The following CCDC148 variants were observed in gnomAD, a reference collection of about 807,000 sequenced individuals.
CCDC148 encodes the protein coiled-coil domain containing 148, also known as coiled-coil domain-containing protein 148.
A neutral mutation model predicts 85.7 loss-of-function variants in CCDC148; 89 were observed. The ratio of observed to expected loss-of-function variants is 1.04; its 90% confidence interval spans 0.87 to 1.24. CCDC148 has a LOEUF of 1.24. Ranked by LOEUF, CCDC148 falls within the 50% of genes most tolerant of loss-of-function variation. The pLI is 0.00. For missense variants in CCDC148, 692 were observed against 671.7 expected (o/e 1.03, Z -0.33); for synonymous variants, 230 against 213.9 (o/e 1.08, Z -0.66).
intron 7 of CCDC148, among the ~76,000 whole-genome samples, chr2:158,317,457 T>C (rs1199472327): frequency 1.3e-5 from 2 of 152,192 alleles, no homozygotes; most frequent in African/African-American, 2.4e-5. Context: ...ATCACAGATA[T>C]CATTTTATTA....
chr2:158,246,986 G>C (rs1022387593), intron 10 of CCDC148, among the ~76,000 whole-genome samples: 11 of 152,140 alleles, frequency 7.2e-5, no homozygotes, highest in African/African-American at 2.2e-4. Context: ...ATGAAGAGAA[G>C]CATAATTCAT....
At chr2:158,437,076 GA>G (rs1687692732) in intron 1 of CCDC148, among the ~76,000 whole-genome samples, 3 of 152,130 alleles carry the variant, frequency 2.0e-5, no homozygotes, top group Non-Finnish European at 4.4e-5. Flanking sequence ...CATTCCTTCT[GA>G]AACTATTCCA....
chr2:158,260,205 T>C (rs1689161020), intron 9 of CCDC148, among the ~76,000 whole-genome samples: 1 of 151,790 alleles, frequency 6.6e-6, no homozygotes, highest in African/African-American at 2.4e-5. Flanking sequence ...TATTCCTAGG[T>C]GGATGAATAA....
At chr2:158,408,063 T>C (rs745818486) in intron 1 of CCDC148, among the ~76,000 whole-genome samples, 14 of 152,170 alleles carry the variant, frequency 9.2e-5, no homozygotes, top group Non-Finnish European at 1.6e-4. Flanking sequence ...ACTTTATATA[T>C]GATGAAGAAA....
At chr2:158,248,618 A>T (rs1688667230) in intron 10 of CCDC148, among the ~76,000 whole-genome samples, 1 of 152,100 alleles carries the variant, frequency 6.6e-6, no homozygotes, top group African/African-American at 2.4e-5. Flanking sequence ...CACTTTATAC[A>T]TGTAACACCC....
At chr2:158,424,991 T>G in intron 1 of CCDC148, 1 of 379,354 alleles carries the variant, frequency 2.6e-6, no homozygotes, top group East Asian at 7.1e-5. Context: ...ATATAGAAGC[T>G]GCAACACCAA....
chr2:158,312,281 A>T (rs541006630), intron 8 of CCDC148, among the ~76,000 whole-genome samples: 15 of 152,348 alleles, frequency 9.8e-5, no homozygotes, highest in African/African-American at 3.4e-4. Context: ...TCTTTCAAAC[A>T]TTAAGCATAT....
intron 1 of CCDC148, among the ~76,000 whole-genome samples, chr2:158,439,811 A>T (rs911204673): frequency 5.3e-5 from 8 of 152,214 alleles, no homozygotes; most frequent in African/African-American, 1.9e-4. Flanking sequence ...TGTAAATTTA[A>T]ACTACAATAA....
chr2:158,260,742 A>C (rs1689187812), intron 9 of CCDC148, among the ~76,000 whole-genome samples: 1 of 151,938 alleles, frequency 6.6e-6, no homozygotes, highest in Non-Finnish European at 1.5e-5. Context: ...GAGAGCCAAA[A>C]CACGAATGCA....
At chr2:158,426,122 G>A (rs536262337) in intron 1 of CCDC148, among the ~76,000 whole-genome samples, 1 of 151,178 alleles carries the variant, frequency 6.6e-6, no homozygotes, top group East Asian at 1.9e-4. Context: ...AACTGTGGTA[G>A]GAACTATAGT....
chr2:158,290,002 C>A (rs1439724173), intron 9 of CCDC148, among the ~76,000 whole-genome samples: 1 of 152,130 alleles, frequency 6.6e-6, no homozygotes, highest in Non-Finnish European at 1.5e-5. Context: ...AAGGAAATGA[C>A]TGACACACAA....
chr2:158,401,054 T>C (rs1006797634), intron 1 of CCDC148, among the ~76,000 whole-genome samples: 1 of 151,896 alleles, frequency 6.6e-6, no homozygotes, highest in Non-Finnish European at 1.5e-5. Context: ...GGAAACCACA[T>C]ATGCTGGAGA....
At chr2:158,439,425 A>G (rs1370715337) in intron 1 of CCDC148, among the ~76,000 whole-genome samples, 1 of 152,136 alleles carries the variant, frequency 6.6e-6, no homozygotes, top group Non-Finnish European at 1.5e-5. Context: ...GAATTGAACA[A>G]TCAGAACACT....
In CCDC148 at chr2:158,426,164, A is replaced by C. The variant is rs543592334; in HGVS notation, c.25+30251T>G. Among the ~76,000 whole-genome samples the C allele has an allele frequency of 1.2e-3, 160 of 132,290 alleles. 1 individual carries two copies. Among genetic ancestry groups the C allele is most frequent in the African/African-American group, 3.8e-3 (151 of 40,132 alleles). 86.8% of individuals were successfully genotyped at this position (132,290 alleles called of 152,430 possible). A position where few individuals can be genotyped will look rare whatever the true frequency, so the allele number is the denominator to read the frequency against. On this transcript the variant is annotated intron_variant, in intron 1 of 13. Transcript: ENST00000283233. ...TAGTGAAAGTAATTATAACACAAGGAATTTCACAGATAGGTATGAGATTAT... is the reference window on the plus strand; with the variant it reads ...TAGTGAAAGTAATTATAACACAAGGCATTTCACAGATAGGTATGAGATTAT...
At chr2:158,231,757 T>C (rs532171679) in intron 10 of CCDC148, among the ~76,000 whole-genome samples, 2 of 152,200 alleles carry the variant, frequency 1.3e-5, no homozygotes, top group Non-Finnish European at 2.9e-5. Flanking sequence ...CTTAGGTGAC[T>C]GGAAGTTTCT....
intron 9 of CCDC148, among the ~76,000 whole-genome samples, chr2:158,271,032 ATAAT>A (rs1689674451): frequency 6.6e-6 from 1 of 152,202 alleles, no homozygotes; most frequent in African/African-American, 2.4e-5. Flanking sequence ...AATTCTATAA[ATAAT>A]TGTTTAGTTT....
chr2:158,368,712 G>A (rs1684305268), intron 1 of CCDC148, among the ~76,000 whole-genome samples: 1 of 151,916 alleles, frequency 6.6e-6, no homozygotes, highest in African/African-American at 2.4e-5. Context: ...ATAGCTAGAG[G>A]GTTGAAAAAC....
At chr2:158,294,873 G>A (rs1463823049) in intron 9 of CCDC148, among the ~76,000 whole-genome samples, 4 of 149,558 alleles carry the variant, frequency 2.7e-5, no homozygotes, top group African/African-American at 9.8e-5. Flanking sequence ...AAGTGACCAT[G>A]TTACTTTGCA....
intron 1 of CCDC148, among the ~76,000 whole-genome samples, chr2:158,378,131 A>G (rs1417517317): frequency 6.6e-6 from 1 of 152,164 alleles, no homozygotes; most frequent in Non-Finnish European, 1.5e-5. Context: ...GTGAATGCAA[A>G]GGAAAAGTTC....
Sources: gnomAD v4.1 joint callset for allele counts (sites outside exome capture counted in the v4.1 genomes callset) on GRCh38, gnomAD v4.1.1 for gene constraint, MANE v1.5 for transcripts, NCBI Gene and HGNC (gene_info 2026-07-23, HGNC 2026-07-21) for gene names.